Variants in OSBPL10 observed in about 807,000 individuals in gnomAD.
OSBPL10 encodes the protein oxysterol-binding protein-related protein 10.
In OSBPL10, 49 loss-of-function variants were observed where a neutral mutation model predicts 81.7. The observed-to-expected ratio is 0.60, with a 90% CI of 0.48 to 0.76. OSBPL10 has a LOEUF of 0.76. Among genes scored for constraint, OSBPL10 ranks in the 30% least tolerant of loss-of-function variants. The pLI is 0.00. For synonymous variants in OSBPL10, 419 were observed against 383.6 expected (o/e 1.09, Z -1.08); for missense variants, 923 against 987.8 (o/e 0.93, Z 0.88).
Position 31,760,042 on chromosome 3 carries a change from G to A in OSBPL10, c.730-11922C>T, listed in dbSNP as rs192982729. 9.4e-4 allele frequency among the ~76,000 whole-genome samples: 143 copies of A among 152,294 alleles called. 1 individual carries two copies. The highest frequency in any genetic ancestry group is 3.4e-3 in the Middle Eastern group (1 of 294). ...CTCGCAAAGTGCTGGGATTACAGGCGTGAGCCACCATGCCCGGCCAAGAGA... is the reference window on the plus strand; with the variant it reads ...CTCGCAAAGTGCTGGGATTACAGGCATGAGCCACCATGCCCGGCCAAGAGA... On this transcript the variant is annotated intron_variant, in intron 4 of 11. Coordinates refer to ENST00000396556, the MANE Select transcript of OSBPL10 (RefSeq NM_017784.5).
intron 2 of OSBPL10, among the ~76,000 whole-genome samples, chr3:32,017,288 A>G (rs1553649213): frequency 6.6e-6 from 1 of 152,224 alleles, no homozygotes; most frequent in Non-Finnish European, 1.5e-5. Context: ...TCCAACAGCT[A>G]AAAACACCAG....
In OSBPL10 at chr3:31,702,511, A is replaced by G. The variant is rs578245930; in HGVS notation, c.1096-3T>C. On this transcript the variant is annotated splice_region_variant and splice_polypyrimidine_tract_variant and intron_variant, in intron 6 of 11. Coordinates refer to ENST00000396556, the MANE Select transcript of OSBPL10 (RefSeq NM_017784.5). The stretch of plus-strand genomic sequence containing the variant: ...ACCAATTCAGAGCCTGAGTTTGGCT[A>G]AAATGAAATAATCAATAAAAATCAC... 17 of 1,614,044 alleles carry G rather than the reference A, an allele frequency of 1.1e-5. No homozygotes were observed. In the South Asian group the frequency reaches 1.5e-4, roughly 15 times the overall value.
At chr3:31,957,586 T>A (rs779457308) in intron 1 of OSBPL10, among the ~76,000 whole-genome samples, 2 of 152,202 alleles carry the variant, frequency 1.3e-5, no homozygotes, top group Non-Finnish European at 2.9e-5. Context: ...CGTGGAGATA[T>A]GTACTTGGAG....
intron 6 of OSBPL10, among the ~76,000 whole-genome samples, chr3:31,728,794 C>A (rs897497612): frequency 6.6e-6 from 1 of 152,148 alleles, no homozygotes; most frequent in Admixed American, 6.5e-5. Context: ...TAGAACTGTT[C>A]TATACAGGTT....
At chr3:32,029,389 C>T (rs1361675844) in intron 2 of OSBPL10, among the ~76,000 whole-genome samples, 1 of 152,040 alleles carries the variant, frequency 6.6e-6, no homozygotes, top group African/African-American at 2.4e-5. Flanking sequence ...TATACATGTG[C>T]CATGTTGGTG....
At chr3:31,992,933 T>C (rs1699049803) in intron 2 of OSBPL10, among the ~76,000 whole-genome samples, 1 of 152,010 alleles carries the variant, frequency 6.6e-6, no homozygotes, top group Non-Finnish European at 1.5e-5. Flanking sequence ...AACACAGAAG[T>C]TCAAAGCTGC....
At chr3:31,835,265 C>T (rs1700336545) in intron 3 of OSBPL10, among the ~76,000 whole-genome samples, 1 of 152,078 alleles carries the variant, frequency 6.6e-6, no homozygotes, top group Non-Finnish European at 1.5e-5. Flanking sequence ...GCAAAGTTCC[C>T]TATAAATTAA....
Position 32,028,927 on chromosome 3 carries a change from GACACACACACACAC to G in OSBPL10, n.298+17550_298+17563del, listed in dbSNP as rs58442955. On this transcript the variant is annotated intron_variant and non_coding_transcript_variant, in intron 2 of 3. Transcript: ENST00000479173. ...ATTGTTACAGTAGGTAGCTAGTCAG[GACACACACACACAC>G]ACACACACACACACACACACACACA... Among the ~76,000 whole-genome samples the G allele has an allele frequency of 1.2e-3, 128 of 105,726 alleles. 1 individual carries two copies. The highest frequency in any genetic ancestry group is 4.0e-3 in the African/African-American group (109 of 27,070). 69.4% of individuals were successfully genotyped at this position (105,726 alleles called of 152,430 possible). A position where few individuals can be genotyped will look rare whatever the true frequency, so the allele number is the denominator to read the frequency against.
chr3:31,830,114 T>C lies in OSBPL10; in HGVS notation c.655A>G (p.Thr219Ala), dbSNP rs200394671. 33 of 1,614,068 alleles carry C rather than the reference T, an allele frequency of 2.0e-5. No homozygotes were observed. The highest frequency in any genetic ancestry group is 2.7e-5 in the Non-Finnish European group (32 of 1,180,014). ...GCGGCTGCAGGCGACTTGTGATGCG[T>C]GATTGTGACAACACCGGGGGCCCCC... ...SVGAPGVVTI[T>A]HHKSPAAARR... Residue 219 changes from threonine (T) to alanine (A), a missense_variant, in exon 4 of 12, where the codon ACG (threonine) becomes GCG (alanine). Thr to Ala is a moderately conservative substitution (Grantham distance 58, BLOSUM62 0). Coordinates refer to ENST00000396556, the MANE Select transcript of OSBPL10 (RefSeq NM_017784.5).
At chr3:31,859,800 C>T (rs1289980684) in intron 3 of OSBPL10, among the ~76,000 whole-genome samples, 1 of 152,144 alleles carries the variant, frequency 6.6e-6, no homozygotes, top group East Asian at 1.9e-4. Context: ...TTCCAGAATC[C>T]TTGAGGAATA....
At position 31,812,790 on chromosome 3, in the gene OSBPL10, GAAAGAAAGAAAGAAAGAA is replaced by G. The variant is rs1559476403; in HGVS notation, c.729+17232_729+17249del. 1.2e-3 allele frequency among the ~76,000 whole-genome samples: 56 copies of G among 46,272 alleles called. 3 individuals are homozygous for G. The highest frequency in any genetic ancestry group is 5.9e-3 in the African/African-American group (56 of 9,572). 30.4% of individuals were successfully genotyped at this position (46,272 alleles called of 152,430 possible). On this transcript the variant is annotated intron_variant, in intron 4 of 11. Transcript: ENST00000396556. ...AGAAAGAAAGAAAGAAAGAAAGAAA[GAAAGAAAGAAAGAAAGAA>G]AGAAAGAAAGAGAAAGAAAGAAAGA...
intron 4 of OSBPL10, among the ~76,000 whole-genome samples, chr3:31,763,488 T>C (rs1698117741): frequency 6.6e-6 from 1 of 152,212 alleles, no homozygotes; most frequent in Non-Finnish European, 1.5e-5. Context: ...TTAATCTGGA[T>C]TTTATGGAAA....
chr3:31,671,076 C>T, intron 8 of OSBPL10, 93 bp from the exon 9 acceptor site: 1 of 1,238,490 alleles, frequency 8.1e-7, no homozygotes. Flanking sequence ...CAAAGAGCCT[C>T]CTGCACAGAT....
At chr3:32,048,588 T>C (rs1243715149) in intron 1 of OSBPL10, among the ~76,000 whole-genome samples, 1 of 152,202 alleles carries the variant, frequency 6.6e-6, no homozygotes, top group African/African-American at 2.4e-5. Flanking sequence ...ATTACAGGCG[T>C]TAGCCACCAT....
Position 31,799,378 on chromosome 3 carries a change from T to TAAA in OSBPL10, c.729+30661_729+30662insTTT, listed in dbSNP as rs1559470518. Among the ~76,000 whole-genome samples the TAAA allele has an allele frequency of 3.3e-4, 9 of 26,950 alleles. No individual in the cohort carries two copies. In the South Asian group the frequency reaches 0.015, roughly 45 times the overall value. 17.7% of individuals were successfully genotyped at this position (26,950 alleles called of 152,430 possible). On this transcript the variant is annotated intron_variant, in intron 4 of 11. Coordinates refer to ENST00000396556, the MANE Select transcript of OSBPL10 (RefSeq NM_017784.5). ...GCAACATAGCAAGACCCCTATCTCT[T>TAAA]TAAAAAAAAAAAAAAAAAAAAAAAA...
intron 3 of OSBPL10, among the ~76,000 whole-genome samples, chr3:31,844,559 C>A (rs1367958088): frequency 6.6e-6 from 1 of 152,160 alleles, no homozygotes; most frequent in East Asian, 1.9e-4. Context: ...CAAAAAGTCA[C>A]ATATGATTTC....
At chr3:31,933,001 G>C (rs575084116) in intron 1 of OSBPL10, among the ~76,000 whole-genome samples, 4 of 152,012 alleles carry the variant, frequency 2.6e-5, no homozygotes, top group South Asian at 2.1e-4. Context: ...TAAAAATAAA[G>C]TTTTCTAAAA....
intron 4 of OSBPL10, among the ~76,000 whole-genome samples, chr3:31,788,768 A>T (rs1273932683): frequency 1.3e-5 from 2 of 152,086 alleles, no homozygotes; most frequent in African/African-American, 4.8e-5. Flanking sequence ...ACAAAGTGAG[A>T]CCTTGCCTCT....
At chr3:31,989,701 G>T in intron 2 of OSBPL10, 2 of 1,613,912 alleles carry the variant, frequency 1.2e-6, no homozygotes, top group East Asian at 2.2e-5. Flanking sequence ...TAATAACTAT[G>T]AAAATAATTT....
Sources: gnomAD v4.1 joint callset for allele counts (sites outside exome capture counted in the v4.1 genomes callset) on GRCh38, gnomAD v4.1.1 for gene constraint, MANE v1.5 for transcripts, NCBI Gene and HGNC (gene_info 2026-07-23, HGNC 2026-07-21) for gene names.